The following RNF121 variants were observed in gnomAD, a reference collection of about 807,000 sequenced individuals.
The protein encoded by RNF121 is ring finger protein 121.
RNF121 carries 21 observed loss-of-function variants against 46.5 expected under a neutral mutation model. The observed-to-expected ratio is 0.45, with a 90% CI of 0.32 to 0.65. RNF121 has a LOEUF of 0.65. Among genes scored for constraint, RNF121 ranks in the 30% least tolerant of loss-of-function variants. The pLI, the probability that RNF121 is intolerant of heterozygous loss-of-function variation, is 0.04. For missense variants in RNF121, 346 were observed against 416.0 expected (o/e 0.83, Z 1.46); for synonymous variants, 139 against 144.7 (o/e 0.96, Z 0.28).
rs1359881785 is a variant in RNF121, at chr11:71,929,048, G to A, written c.-14G>A. 16 of 1,550,956 alleles carry A rather than the reference G, an allele frequency of 1.0e-5. No homozygotes were observed. The Admixed American group carries it at 2.7e-4, about 27-fold the overall frequency. On this transcript the variant is annotated 5_prime_UTR_variant, in exon 1 of 9. Coordinates refer to ENST00000361756, the MANE Select transcript of RNF121 (RefSeq NM_018320.5). ...GCTCGCGCGGGGACTGCGGTGAGGGGGCGAGCCGTGAAGATGGCGGCAGTG... is the reference window on the plus strand; with the variant it reads ...GCTCGCGCGGGGACTGCGGTGAGGGAGCGAGCCGTGAAGATGGCGGCAGTG...
At chr11:71,937,131 T>C (rs907259923) in intron 1 of RNF121, among the ~76,000 whole-genome samples, 5 of 152,230 alleles carry the variant, frequency 3.3e-5, no homozygotes, top group Non-Finnish European at 4.4e-5. Context: ...TCGGCACTGC[T>C]TTCTGCTCCC....
rs757761064 is a variant in RNF121, at chr11:71,973,934, T to TTTTGTTTG, written c.244-8811_244-8804dup. ...TACAAAAAACAAAAGCCCTGTATTT[T>TTTTGTTTG]TTTGTTTGTTTGTTTGTTTGTTTTT... On this transcript the variant is annotated intron_variant, in intron 3 of 8. Transcript: ENST00000361756. Among the ~76,000 whole-genome samples the TTTTGTTTG allele has an allele frequency of 3.3e-5, 5 of 152,248 alleles. No homozygotes were observed. In the South Asian group the frequency reaches 1.0e-3, roughly 32 times the overall value.
intron 4 of RNF121, among the ~76,000 whole-genome samples, chr11:71,986,051 A>G (rs1170866900): frequency 6.6e-6 from 1 of 151,872 alleles, no homozygotes; most frequent in Admixed American, 6.6e-5. Context: ...GGGGCACACT[A>G]CTCCTCCTTC....
intron 1 of RNF121, among the ~76,000 whole-genome samples, chr11:71,929,405 C>T (rs567103577): frequency 6.1e-4 from 93 of 151,896 alleles, no homozygotes; most frequent in African/African-American, 2.1e-3. Context: ...TGATTACTAG[C>T]TGGGTGTCTT....
intron 6 of RNF121, among the ~76,000 whole-genome samples, chr11:71,994,202 G>T (rs920935378): frequency 1.3e-5 from 2 of 152,206 alleles, no homozygotes; most frequent in Non-Finnish European, 2.9e-5. Context: ...AACAATTTGA[G>T]ATACCATGCT....
At chr11:71,931,886 G>A (rs1328935783) in intron 1 of RNF121, among the ~76,000 whole-genome samples, 3 of 152,178 alleles carry the variant, frequency 2.0e-5, no homozygotes, top group African/African-American at 4.8e-5. Flanking sequence ...ATGTGGAGCC[G>A]AGATTATAAT....
chr11:71,934,661 G>T (rs562803598), intron 1 of RNF121, among the ~76,000 whole-genome samples: 3 of 152,140 alleles, frequency 2.0e-5, no homozygotes, highest in Non-Finnish European at 4.4e-5. Flanking sequence ...GTTTAGTCTT[G>T]GATATCTGAC....
At chr11:71,967,440 T>A (rs966782436) in intron 3 of RNF121, among the ~76,000 whole-genome samples, 1 of 148,588 alleles carries the variant, frequency 6.7e-6, no homozygotes, top group Admixed American at 6.7e-5. Context: ...ATCTCTGCCT[T>A]CTGGGTTCAA....
intron 3 of RNF121, among the ~76,000 whole-genome samples, chr11:71,979,109 C>T (rs1954593424): frequency 6.6e-6 from 1 of 152,132 alleles, no homozygotes; most frequent in Non-Finnish European, 1.5e-5. Flanking sequence ...CCATTAAATG[C>T]AAAATTAATA....
At chr11:71,987,567 A>G (rs924901581) in intron 5 of RNF121, among the ~76,000 whole-genome samples, 2 of 152,218 alleles carry the variant, frequency 1.3e-5, no homozygotes, top group African/African-American at 4.8e-5. Context: ...TTATAAAATG[A>G]AGTTTTACTG....
At chr11:71,949,380 G>A (rs1441862058) in intron 1 of RNF121, among the ~76,000 whole-genome samples, 2 of 151,956 alleles carry the variant, frequency 1.3e-5, no homozygotes, top group South Asian at 2.1e-4. Flanking sequence ...ATTGCACTAC[G>A]GCACTCCAGC....
At chr11:71,945,109 T>C (rs1460747101) in intron 1 of RNF121, among the ~76,000 whole-genome samples, 2 of 152,032 alleles carry the variant, frequency 1.3e-5, no homozygotes, top group East Asian at 3.9e-4. Context: ...TGCCTCAGCC[T>C]CCTGAGTAGC....
intron 3 of RNF121, among the ~76,000 whole-genome samples, chr11:71,972,851 C>T (rs1954448120): frequency 6.6e-6 from 1 of 152,014 alleles, no homozygotes. Flanking sequence ...CATTACTGTC[C>T]ATAACTTAGG....
In RNF121 at chr11:71,982,893, C is replaced by T; in HGVS notation, c.376C>T (p.Pro126Ser). Residue 126 changes from proline to serine, a missense_variant, in exon 4 of 9, where the codon CCT becomes TCT. Transcript: ENST00000361756. ...AFVTFRATRK[P>S]LVQTTPRLVY... The stretch of plus-strand genomic sequence containing the variant: ...TGTTACCTTCCGAGCCACCCGAAAA[C>T]CTCTAGTACAGACAACCCCAAGGTG... The T allele has an allele frequency of 6.2e-7, 1 of 1,611,820 alleles. No homozygotes were observed. The highest frequency in any genetic ancestry group is 8.5e-7 in the Non-Finnish European group (1 of 1,179,050).
At chr11:71,989,359 G>GGC (rs1285160404) in intron 5 of RNF121, among the ~76,000 whole-genome samples, 1 of 152,144 alleles carries the variant, frequency 6.6e-6, no homozygotes, top group East Asian at 1.9e-4. Flanking sequence ...TAGGATTACA[G>GGC]GTGTGAGCCA....
intron 1 of RNF121, among the ~76,000 whole-genome samples, chr11:71,947,646 GC>G (rs1953758038): frequency 6.6e-6 from 1 of 152,174 alleles, no homozygotes; most frequent in African/African-American, 2.4e-5. Context: ...AAATAAGGTC[GC>G]TGGTTGGGCC....
chr11:71,967,151 G>A lies in RNF121; in HGVS notation c.243+6260G>A, dbSNP rs536450618. The stretch of plus-strand genomic sequence containing the variant: ...CTCCCAAAGTGCTGGGATTACAGGC[G>A]TGAGCCACCGCGCCCGGCCAATATT... On this transcript the variant is annotated intron_variant, in intron 3 of 8. Coordinates refer to ENST00000361756, the MANE Select transcript of RNF121 (RefSeq NM_018320.5). 3.6e-3 allele frequency among the ~76,000 whole-genome samples: 540 copies of A among 150,342 alleles called. 1 individual carries two copies. Among genetic ancestry groups the A allele is most frequent in the Non-Finnish European group, 6.0e-3 (407 of 67,696 alleles).
At chr11:71,986,614 T>C (rs890901218) in intron 4 of RNF121, among the ~76,000 whole-genome samples, 1 of 150,810 alleles carries the variant, frequency 6.6e-6, no homozygotes, top group Non-Finnish European at 1.5e-5. Context: ...AAAAAAAATA[T>C]AAAAATTAGC....
intron 3 of RNF121, among the ~76,000 whole-genome samples, chr11:71,969,903 G>A (rs1954381829): frequency 6.6e-6 from 1 of 152,158 alleles, no homozygotes; most frequent in African/African-American, 2.4e-5. Flanking sequence ...ATAGAATCAA[G>A]ATTCCAGATA....
Sources: gnomAD v4.1 joint callset for allele counts (sites outside exome capture counted in the v4.1 genomes callset) on GRCh38, gnomAD v4.1.1 for gene constraint, MANE v1.5 for transcripts, NCBI Gene and HGNC (gene_info 2026-07-23, HGNC 2026-07-21) for gene names.